Variants in CUX2 observed in about 807,000 individuals in gnomAD.
CUX2 encodes homeobox protein cut-like 2.
In CUX2, 40 loss-of-function variants were observed where a neutral mutation model predicts 144.8. That is an observed-to-expected ratio of 0.28 (90% CI 0.21 to 0.36). CUX2 has a LOEUF of 0.36. Among genes scored for constraint, CUX2 ranks in the 10% least tolerant of loss-of-function variants. CUX2 has a pLI of 1.00. For synonymous variants in CUX2, 827 were observed against 875.6 expected, an observed-to-expected ratio of 0.94 and a Z score of 0.98; for missense variants, 1,615 against 1,994.0, an observed-to-expected ratio of 0.81 and a Z score of 3.62.
intron 1 of CUX2, among the ~76,000 whole-genome samples, chr12:111,205,254 C>T (rs745518475): frequency 3.3e-5 from 5 of 152,044 alleles, no homozygotes; most frequent in Non-Finnish European, 7.4e-5. Flanking sequence ...CTGAAGGCGA[C>T]ACTCCCAACC....
chr12:111,169,955 G>A (rs1394791962), intron 1 of CUX2, among the ~76,000 whole-genome samples: 1 of 152,196 alleles, frequency 6.6e-6, no homozygotes, highest in Non-Finnish European at 1.5e-5. Flanking sequence ...TAGAGATTGT[G>A]TGTGGCAGCT....
intron 2 of CUX2, 63 bp downstream of exon 2, chr12:111,214,373 C>A: frequency 2.0e-6 from 2 of 1,005,760 alleles, no homozygotes; most frequent in Non-Finnish European, 3.0e-6. Flanking sequence ...TCCATTCAAA[C>A]TATATTTTGA....
chr12:111,191,565 A>G (rs1879887113), intron 1 of CUX2, among the ~76,000 whole-genome samples: 1 of 152,122 alleles, frequency 6.6e-6, no homozygotes, highest in African/African-American at 2.4e-5. Context: ...ACCTCAAGTG[A>G]TCTGCCTACC....
intron 1 of CUX2, among the ~76,000 whole-genome samples, chr12:111,101,954 G>A (rs1873271164): frequency 6.6e-6 from 1 of 152,198 alleles, no homozygotes; most frequent in Non-Finnish European, 1.5e-5. Flanking sequence ...TTACATAAAA[G>A]GTTATAGTAA....
chr12:111,221,534 C>T (rs934571520), intron 3 of CUX2, among the ~76,000 whole-genome samples: 1 of 152,124 alleles, frequency 6.6e-6, no homozygotes, highest in African/African-American at 2.4e-5. Flanking sequence ...CAAATACCAT[C>T]CCAAGTCACA....
intron 18 of CUX2, among the ~76,000 whole-genome samples, chr12:111,328,613 T>TGTGTGTGA (rs1887931590): frequency 1.3e-5 from 2 of 151,736 alleles, no homozygotes; most frequent in Admixed American, 6.6e-5. Context: ...TGTGTGTGTG[T>TGTGTGTGA]GTGTGTGACA....
chr12:111,229,873 G>A (rs1434067196), intron 3 of CUX2, among the ~76,000 whole-genome samples: 4 of 152,036 alleles, frequency 2.6e-5, no homozygotes, highest in African/African-American at 9.7e-5. Flanking sequence ...AGTTAGCGAA[G>A]CGTGGTGGTG....
chr12:111,153,848 T>C (rs1219246038), intron 1 of CUX2, among the ~76,000 whole-genome samples: 2 of 152,162 alleles, frequency 1.3e-5, no homozygotes, highest in African/African-American at 4.8e-5. Context: ...AGGATTTGTT[T>C]TCTCATGATT....
At chr12:111,283,730 T>C (rs1464211012) in intron 4 of CUX2, among the ~76,000 whole-genome samples, 1 of 152,062 alleles carries the variant, frequency 6.6e-6, no homozygotes, top group Non-Finnish European at 1.5e-5. Context: ...GAAGTCAGTG[T>C]TCCCCAATTT....
Position 111,187,901 on chromosome 12 carries a change from G to C in CUX2, c.64-26299G>C, listed in dbSNP as rs1446433777. 2.0e-5 allele frequency among the ~76,000 whole-genome samples: 3 copies of C among 152,248 alleles called. No individual in the cohort carries two copies. In the East Asian group the frequency reaches 5.8e-4, roughly 29 times the overall value. Reference sequence around the variant, plus strand: ...AGAGCCAGGTCCAACAGAGCCCCAGGTGGGCACAGCTGCCAGGCACCCTGC... The same window carrying C: ...AGAGCCAGGTCCAACAGAGCCCCAGCTGGGCACAGCTGCCAGGCACCCTGC... On this transcript the variant is annotated intron_variant, in intron 1 of 21. Coordinates refer to ENST00000261726, the MANE Select transcript of CUX2 (RefSeq NM_015267.4).
chr12:111,111,281 G>A (rs998943160), intron 1 of CUX2, among the ~76,000 whole-genome samples: 1 of 151,850 alleles, frequency 6.6e-6, no homozygotes, highest in African/African-American at 2.4e-5. Context: ...CAGTCTGGGT[G>A]ACAGAATGAG....
At chr12:111,201,247 G>A (rs2136208826) in intron 1 of CUX2, among the ~76,000 whole-genome samples, 1 of 152,260 alleles carries the variant, frequency 6.6e-6, no homozygotes, top group Middle Eastern at 3.4e-3. Context: ...AGCAGGGGAT[G>A]GTGTGTCTGC....
Position 111,322,344 on chromosome 12 carries a change from A to AAAAAAAAAT in CUX2, c.2767-77_2767-76insAAAAAAAAT. On this transcript the variant is annotated intron_variant, in intron 17 of 21. Coordinates refer to ENST00000261726, the MANE Select transcript of CUX2 (RefSeq NM_015267.4). The surrounding 1 kb of genome is among the most constrained non-coding windows in gnomAD (Gnocchi z 4.2). The stretch of plus-strand genomic sequence containing the variant: ...CTCAAAAAAAAAAAAAAAAAAAAAA[A>AAAAAAAAAT]GGTTGGGGAGGAGAGTGAGGGCCAG... 2 of 1,050,838 alleles carry AAAAAAAAAT rather than the reference A, an allele frequency of 1.9e-6. No individual in the cohort carries two copies. The highest frequency in any genetic ancestry group is 1.9e-5 in the African/African-American group (1 of 53,178). The allele number at this position is 1,050,838 out of a possible 1,614,324, so 65.1% of individuals were successfully genotyped here. A position where few individuals can be genotyped will look rare whatever the true frequency, so the allele number is the denominator to read the frequency against.
chr12:111,320,893 C>T lies in CUX2; in HGVS notation c.2766+118C>T. 9.0e-7 allele frequency: 1 copy of T among 1,116,540 alleles called. No homozygotes were observed. The allele number at this position is 1,116,540 out of a possible 1,614,324, so 69.2% of individuals were successfully genotyped here. A position where few individuals can be genotyped will look rare whatever the true frequency, so the allele number is the denominator to read the frequency against. On this transcript the variant is annotated intron_variant, in intron 17 of 21. Coordinates refer to ENST00000261726, the MANE Select transcript of CUX2 (RefSeq NM_015267.4). This position sits in a 1 kb window ranked among gnomAD's most constrained non-coding sequence, Gnocchi z 8.1. Reference sequence around the variant, plus strand: ...GGCCCAGGCCCTTCATTCCTGAGTCCTGCTGTCCCTGGGTCCCGCAGGAAG... The same window carrying T: ...GGCCCAGGCCCTTCATTCCTGAGTCTTGCTGTCCCTGGGTCCCGCAGGAAG...
chr12:111,107,146 C>G (rs1873661091), intron 1 of CUX2, among the ~76,000 whole-genome samples: 1 of 152,214 alleles, frequency 6.6e-6, no homozygotes, highest in Non-Finnish European at 1.5e-5. Flanking sequence ...AACTGAGGCT[C>G]TTTGTAACAT....
At chr12:111,299,192 T>G (rs1886162560) in intron 9 of CUX2, among the ~76,000 whole-genome samples, 1 of 152,226 alleles carries the variant, frequency 6.6e-6, no homozygotes, top group Non-Finnish European at 1.5e-5. Context: ...TGGCTCATCT[T>G]CCTGCCTGTG....
intron 1 of CUX2, among the ~76,000 whole-genome samples, chr12:111,188,821 G>A (rs942792657): frequency 1.3e-5 from 2 of 152,136 alleles, no homozygotes; most frequent in Non-Finnish European, 2.9e-5. Context: ...ATGGTTGTTG[G>A]AAGAGAGGGC....
At chr12:111,225,996 TG>T (rs1448250659) in intron 3 of CUX2, among the ~76,000 whole-genome samples, 1 of 152,116 alleles carries the variant, frequency 6.6e-6, no homozygotes, top group African/African-American at 2.4e-5. Context: ...GCTGCCGGAG[TG>T]CAGCAGCGCA....
chr12:111,198,331 C>T (rs1026267418), intron 1 of CUX2, among the ~76,000 whole-genome samples: 12 of 151,986 alleles, frequency 7.9e-5, no homozygotes, highest in African/African-American at 2.4e-4. Flanking sequence ...AAAAATTAGC[C>T]GGGTGTGGTG....
Sources: gnomAD v4.1 joint callset for allele counts (sites outside exome capture counted in the v4.1 genomes callset) on GRCh38, gnomAD v4.1.1 for gene constraint, Gnocchi (gnomAD v3.1) non-coding constraint, MANE v1.5 for transcripts, NCBI Gene and HGNC (gene_info 2026-07-23, HGNC 2026-07-21) for gene names.